SNAPC1: variants seen among roughly 807,000 people sequenced by gnomAD.
SNAPC1 encodes the protein snRNA-activating protein complex subunit 1.
Under a neutral mutation model 50.1 loss-of-function variants are expected in SNAPC1, and 42 were observed. The ratio of observed to expected loss-of-function variants is 0.84; its 90% confidence interval spans 0.65 to 1.08. The LOEUF is 1.08. SNAPC1 is among the 50% of genes least tolerant of loss of function. SNAPC1 has a pLI of 0.00. For synonymous variants in SNAPC1, 164 were observed against 144.2 expected, an observed-to-expected ratio of 1.14 and a Z score of -0.98; for missense variants, 477 against 427.3, an observed-to-expected ratio of 1.12 and a Z score of -1.02.
chr14:61,773,598 G>A (rs1368529074), intron 4 of SNAPC1, among the ~76,000 whole-genome samples: 2 of 150,798 alleles, frequency 1.3e-5, no homozygotes, highest in East Asian at 2.0e-4. Context: ...AGGTTTCACC[G>A]TGTTAGTCAG....
intron 3 of SNAPC1, among the ~76,000 whole-genome samples, chr14:61,767,684 G>C (rs1435513604): frequency 6.6e-6 from 1 of 152,152 alleles, no homozygotes; most frequent in Admixed American, 6.5e-5. Flanking sequence ...GGATGGTCTT[G>C]ATCTCTTGAC....
At chr14:61,762,981 CTTTTTTTTTTTTT>C (rs145378546) in intron 1 of SNAPC1, among the ~76,000 whole-genome samples, 4 of 72,992 alleles carry the variant, frequency 5.5e-5, no homozygotes, top group African/African-American at 1.1e-4. Flanking sequence ...CCAAAGTTGT[CTTTTTTTTTTTTT>C]TTTTTTTTTT....
At chr14:61,774,095 TTGAA>T (rs570779733) in intron 4 of SNAPC1, among the ~76,000 whole-genome samples, 62 of 152,262 alleles carry the variant, frequency 4.1e-4, no homozygotes, top group African/African-American at 1.4e-3. Context: ...GACACTATGT[TTGAA>T]TGTCCAAGTC....
intron 4 of SNAPC1, among the ~76,000 whole-genome samples, chr14:61,773,252 A>G (rs1252133078): frequency 6.6e-6 from 1 of 152,058 alleles, no homozygotes; most frequent in African/African-American, 2.4e-5. Flanking sequence ...AAATTATTTC[A>G]TTTCTGTTTC....
At chr14:61,781,450 C>CA (rs769588943) in intron 7 of SNAPC1, among the ~76,000 whole-genome samples, 16,379 of 63,150 alleles carry the variant, frequency 0.26, 1,905 homozygotes, top group South Asian at 0.42. Context: ...ACTCCATCTC[C>CA]AAAAAAAAAA....
At chr14:61,787,760 T>C (rs1594651844) in intron 8 of SNAPC1, among the ~76,000 whole-genome samples, 1 of 152,220 alleles carries the variant, frequency 6.6e-6, no homozygotes, top group Admixed American at 6.5e-5. Context: ...TAGATTGCAG[T>C]TGGTCCACAA....
intron 8 of SNAPC1, among the ~76,000 whole-genome samples, chr14:61,791,566 G>C (rs1240103135): frequency 6.6e-6 from 1 of 152,158 alleles, no homozygotes; most frequent in Non-Finnish European, 1.5e-5. Flanking sequence ...TCAAGAAATA[G>C]GCCGGGCACG....
At chr14:61,772,177 C>T (rs370403017) in intron 4 of SNAPC1, among the ~76,000 whole-genome samples, 1 of 152,068 alleles carries the variant, frequency 6.6e-6, no homozygotes, top group African/African-American at 2.4e-5. Context: ...GCTCACTGCA[C>T]CCTCAGTCTC....
intron 4 of SNAPC1, among the ~76,000 whole-genome samples, chr14:61,771,663 C>T (rs1472602763): frequency 1.3e-5 from 2 of 152,010 alleles, no homozygotes; most frequent in African/African-American, 4.8e-5. Context: ...AGGTAAGGAG[C>T]TAGTTAGAGG....
chr14:61,767,050 G>A lies in SNAPC1; in HGVS notation c.288+15G>A. 4 of 1,462,110 alleles carry A rather than the reference G, an allele frequency of 2.7e-6. No homozygotes were observed. The highest frequency in any genetic ancestry group is 3.7e-6 in the Non-Finnish European group (4 of 1,093,008). 90.6% of individuals were successfully genotyped at this position (1,462,110 alleles called of 1,614,324 possible). On this transcript the variant is annotated intron_variant, in intron 2 of 9. Transcript: ENST00000216294. ...CAAAACAAAAGGTAATACTTAGTGA[G>A]TTATTTTTCCTTAGCAGAAATGTAA...
intron 4 of SNAPC1, among the ~76,000 whole-genome samples, chr14:61,769,508 C>A (rs957489355): frequency 1.3e-5 from 2 of 150,432 alleles, no homozygotes; most frequent in African/African-American, 4.9e-5. Flanking sequence ...AGCAATTCTC[C>A]TGCCTCAGCC....
intron 8 of SNAPC1, among the ~76,000 whole-genome samples, chr14:61,787,199 C>G (rs1431193431): frequency 1.3e-5 from 2 of 152,136 alleles, no homozygotes; most frequent in Non-Finnish European, 2.9e-5. Flanking sequence ...TCTATATTTT[C>G]GTTGCAGTGG....
chr14:61,795,834 C>T lies in SNAPC1; in HGVS notation c.*851C>T, dbSNP rs1349934087. 2.6e-5 allele frequency: 4 copies of T among 151,030 alleles called. No individual in the cohort carries two copies. The highest frequency in any genetic ancestry group is 9.7e-5 in the African/African-American group (4 of 41,044). 9.4% of individuals were successfully genotyped at this position (151,030 alleles called of 1,614,324 possible). On this transcript the variant is annotated 3_prime_UTR_variant, in exon 10 of 10. Coordinates refer to ENST00000216294, the MANE Select transcript of SNAPC1 (RefSeq NM_003082.4). ...ATTGCTGCCAATAGCAGACCATATCCCTATCATGTTGTTGGCTCAACTGTT... is the reference window on the plus strand; with the variant it reads ...ATTGCTGCCAATAGCAGACCATATCTCTATCATGTTGTTGGCTCAACTGTT...
chr14:61,767,582 G>A (rs1566587268), intron 3 of SNAPC1, among the ~76,000 whole-genome samples: 1 of 151,456 alleles, frequency 6.6e-6, no homozygotes, highest in Non-Finnish European at 1.5e-5. Context: ...TCCTGCCTCA[G>A]CCTTCTGAGT....
intron 8 of SNAPC1, among the ~76,000 whole-genome samples, chr14:61,785,231 C>T (rs1356723832): frequency 3.3e-5 from 5 of 152,038 alleles, no homozygotes; most frequent in East Asian, 1.9e-4. Flanking sequence ...GGAGAAACCC[C>T]GTCTCTACTG....
intron 8 of SNAPC1, among the ~76,000 whole-genome samples, chr14:61,783,327 G>A (rs1174690108): frequency 4.0e-5 from 6 of 151,760 alleles, no homozygotes; most frequent in Admixed American, 6.6e-5. Flanking sequence ...CACCGCACGC[G>A]GCCTCCAGTG....
At chr14:61,783,515 A>G (rs1382321497) in intron 8 of SNAPC1, among the ~76,000 whole-genome samples, 2 of 147,586 alleles carry the variant, frequency 1.4e-5, no homozygotes, top group African/African-American at 2.5e-5. Context: ...ATATATTTCA[A>G]TAGTTTGGTT....
At chr14:61,773,568 G>C (rs2045011135) in intron 4 of SNAPC1, among the ~76,000 whole-genome samples, 1 of 150,604 alleles carries the variant, frequency 6.6e-6, no homozygotes, top group African/African-American at 2.4e-5. Flanking sequence ...CTAATTTTTT[G>C]TATTTTTTTA....
rs552694647 is a variant in SNAPC1, at chr14:61,766,647, C to T, written c.129-229C>T. ...GTAATTTGAAACCCCTTCCTTCTTG[C>T]TCTTCAATTTGGCAAGTAAAGTTGA... On this transcript the variant is annotated intron_variant, in intron 1 of 9. Coordinates refer to ENST00000216294, the MANE Select transcript of SNAPC1 (RefSeq NM_003082.4). Among the ~76,000 whole-genome samples the T allele has an allele frequency of 8.2e-4, 125 of 152,264 alleles. 1 individual carries two copies. The highest frequency in any genetic ancestry group is 2.9e-3 in the African/African-American group (119 of 41,540).
Sources: allele counts gnomAD v4.1 joint callset (sites outside exome capture counted in the v4.1 genomes callset), GRCh38; gene constraint gnomAD v4.1.1; transcripts MANE v1.5; gene names NCBI Gene and HGNC (gene_info 2026-07-23, HGNC 2026-07-21).